The following ATXN1 variants were observed in gnomAD, a reference collection of about 807,000 sequenced individuals.
ATXN1 encodes ataxin 1, also known as ataxin-1.
ATXN1 carries 8 observed loss-of-function variants against 56.4 expected under a neutral mutation model. The ratio of observed to expected loss-of-function variants is 0.14; its 90% confidence interval spans 0.08 to 0.26. The LOEUF is 0.26. Ranked by LOEUF, ATXN1 falls within the 10% of genes least tolerant of loss-of-function variation. The pLI, the probability that ATXN1 is intolerant of heterozygous loss-of-function variation, is 1.00. For synonymous variants in ATXN1, 514 were observed against 494.6 expected (o/e 1.04, Z -0.52); for missense variants, 987 against 1,106.5 (o/e 0.89, Z 1.53).
chr6:16,600,495 T>A (rs186376185), intron 3 of ATXN1, among the ~76,000 whole-genome samples: 1 of 152,206 alleles, frequency 6.6e-6, no homozygotes, highest in Non-Finnish European at 1.5e-5. Flanking sequence ...AATAAATGGG[T>A]AGCCTAAAAG....
chr6:16,752,170 T>C (rs772804149), intron 2 of ATXN1, among the ~76,000 whole-genome samples: 1 of 152,198 alleles, frequency 6.6e-6, no homozygotes, highest in African/African-American at 2.4e-5. Flanking sequence ...GAACCTGTTA[T>C]AAAGCAAATA....
At chr6:16,431,160 G>A (rs766870715) in intron 6 of ATXN1, among the ~76,000 whole-genome samples, 5 of 152,086 alleles carry the variant, frequency 3.3e-5, no homozygotes, top group Non-Finnish European at 5.9e-5. Context: ...GAGCAGGAGC[G>A]TAGATAGGAG....
In ATXN1 at chr6:16,512,143, C is replaced by T. The variant is rs374299153; in HGVS notation, c.-299+10484G>A. 3.9e-5 allele frequency among the ~76,000 whole-genome samples: 6 copies of T among 152,318 alleles called. No individual in the cohort carries two copies. In the East Asian group the frequency reaches 1.2e-3, roughly 29 times the overall value. On this transcript the variant is annotated intron_variant, in intron 5 of 7. Coordinates refer to ENST00000436367, the MANE Select transcript of ATXN1 (RefSeq NM_001128164.2). ...TTCAGCGTCAGGGTGATAAAGATAT[C>T]ATTACCCTCAAAGCCAGCTCCTCAG... is the stretch of plus-strand genomic sequence containing the variant.
chr6:16,686,988 T>G (rs529065733), intron 2 of ATXN1, among the ~76,000 whole-genome samples: 1 of 152,294 alleles, frequency 6.6e-6, no homozygotes, highest in African/African-American at 2.4e-5. Context: ...AAGCCTTGGA[T>G]GGAATTACAA....
intron 3 of ATXN1, among the ~76,000 whole-genome samples, chr6:16,627,520 A>C (rs139362274): frequency 1.0e-3 from 156 of 152,252 alleles, no homozygotes; most frequent in African/African-American, 3.5e-3. Flanking sequence ...CGAGGTCAGG[A>C]GTTTGAGACC....
At chr6:16,488,097 C>T (rs1760586027) in intron 5 of ATXN1, among the ~76,000 whole-genome samples, 1 of 152,172 alleles carries the variant, frequency 6.6e-6, no homozygotes, top group East Asian at 1.9e-4. Flanking sequence ...GCAACACACA[C>T]CTTCTCTGTG....
chr6:16,347,226 G>A (rs1274768282), intron 6 of ATXN1, among the ~76,000 whole-genome samples: 1 of 152,260 alleles, frequency 6.6e-6, no homozygotes. Flanking sequence ...AGGAGTGCGG[G>A]CGCACGGCAC....
At chr6:16,596,165 T>G (rs1762811487) in intron 3 of ATXN1, among the ~76,000 whole-genome samples, 1 of 151,954 alleles carries the variant, frequency 6.6e-6, no homozygotes, top group East Asian at 1.9e-4. Context: ...CTTGGCTAAT[T>G]TTTACTTATT....
chr6:16,749,676 C>A (rs1403452028), intron 2 of ATXN1, among the ~76,000 whole-genome samples: 2 of 152,096 alleles, frequency 1.3e-5, no homozygotes, highest in East Asian at 3.9e-4. Context: ...CAGACGAAGG[C>A]CATGCCACAT....
rs1228871671 is a variant in ATXN1, at chr6:16,629,731, C to T, written c.-489+28045G>A. 5.9e-5 allele frequency among the ~76,000 whole-genome samples: 9 copies of T among 151,922 alleles called. No individual in the cohort carries two copies. The East Asian group carries it at 1.5e-3, about 26-fold the overall frequency. On this transcript the variant is annotated intron_variant, in intron 3 of 7. Transcript: ENST00000436367. ...AGGAGTTCGAGACCATCCTGGCCAACATGATGAAACCCTGTCTCTACTAAA... is the reference window on the plus strand; with the variant it reads ...AGGAGTTCGAGACCATCCTGGCCAATATGATGAAACCCTGTCTCTACTAAA...
intron 2 of ATXN1, among the ~76,000 whole-genome samples, chr6:16,663,912 C>A (rs888123573): frequency 5.3e-5 from 8 of 152,082 alleles, no homozygotes; most frequent in Non-Finnish European, 8.8e-5. Context: ...CCAATGGAAA[C>A]TAAAGCACTG....
intron 4 of ATXN1, among the ~76,000 whole-genome samples, chr6:16,578,353 G>T (rs1298736665): frequency 2.0e-5 from 3 of 152,170 alleles, no homozygotes; most frequent in Non-Finnish European, 4.4e-5. Context: ...TGCACATATT[G>T]CTGAGTAGCT....
At chr6:16,657,624 C>T (rs1389272665) in intron 3 of ATXN1, among the ~76,000 whole-genome samples, 152 bp downstream of exon 3, 1 of 152,204 alleles carries the variant, frequency 6.6e-6, no homozygotes, top group Non-Finnish European at 1.5e-5. Context: ...TCTCTCAGTG[C>T]TCTGTCACTA....
intron 6 of ATXN1, among the ~76,000 whole-genome samples, chr6:16,399,087 A>G (rs1758513552): frequency 6.6e-6 from 1 of 152,236 alleles, no homozygotes; most frequent in Admixed American, 6.5e-5. Context: ...ACCATCACAA[A>G]GGCAAAAACT....
In ATXN1 at chr6:16,327,303, G is replaced by A. The variant is rs1194328350; in HGVS notation, c.1008C>T (p.Ala336=). The A allele has an allele frequency of 6.2e-7, 1 of 1,613,158 alleles. No individual in the cohort carries two copies. Among genetic ancestry groups the A allele is most frequent in the Non-Finnish European group, 8.5e-7 (1 of 1,179,948 alleles). Residue 336 remains alanine, a synonymous_variant, in exon 7 of 8, where the codon GCC becomes GCT. Transcript: ENST00000436367. The stretch of plus-strand genomic sequence containing the variant: ...CCAGGCCCAGGTCGGCTGAGGACGG[G>A]GCCCCGTACCGCCGGCTCTTCTCCA... ...GEMEKSRRYG[A]PSSADLGLGK... is the part of the protein sequence containing the mutation.
chr6:16,644,737 G>A (rs1443509725), intron 3 of ATXN1, among the ~76,000 whole-genome samples: 3 of 152,056 alleles, frequency 2.0e-5, no homozygotes, highest in East Asian at 1.9e-4. Flanking sequence ...TGCCAGGAAC[G>A]GGAAGGGATG....
intron 6 of ATXN1, among the ~76,000 whole-genome samples, chr6:16,440,483 A>G (rs1412294842): frequency 1.3e-5 from 2 of 151,726 alleles, no homozygotes; most frequent in Admixed American, 1.3e-4. Context: ...AGACCAAATA[A>G]GAAGGAACAC....
At chr6:16,422,870 T>C (rs918722195) in intron 6 of ATXN1, among the ~76,000 whole-genome samples, 3 of 152,214 alleles carry the variant, frequency 2.0e-5, no homozygotes, top group Non-Finnish European at 4.4e-5. Context: ...CTAATTTCAG[T>C]TCTTTCATAT....
chr6:16,714,163 G>GGA (rs542163807), intron 2 of ATXN1, among the ~76,000 whole-genome samples: 2 of 128,226 alleles, frequency 1.6e-5, no homozygotes, highest in African/African-American at 5.9e-5. Context: ...AAAAAAGAAA[G>GGA]AAAAAAAAAA....
Sources: allele counts gnomAD v4.1 joint callset (sites outside exome capture counted in the v4.1 genomes callset), GRCh38; gene constraint gnomAD v4.1.1; transcripts MANE v1.5; gene names NCBI Gene and HGNC (gene_info 2026-07-23, HGNC 2026-07-21).